The following CSMD1 variants were observed in gnomAD, a reference collection of about 807,000 sequenced individuals.
CSMD1 encodes CUB and Sushi multiple domains 1.
CSMD1 carries 213 observed loss-of-function variants against 417.5 expected under a neutral mutation model. The observed-to-expected ratio is 0.51, with a 90% CI of 0.46 to 0.57. The LOEUF is 0.57. Among genes scored for constraint, CSMD1 ranks in the 20% least tolerant of loss-of-function variants. The pLI is 0.00. For missense variants in CSMD1, 6,923 were observed against 4,529.7 expected (o/e 1.53, Z -15.17); for synonymous variants, 2,862 against 1,736.8 (o/e 1.65, Z -16.11).
intron 3 of CSMD1, among the ~76,000 whole-genome samples, chr8:4,164,758 C>T (rs1797358388): frequency 6.6e-6 from 1 of 151,944 alleles, no homozygotes; most frequent in Admixed American, 6.6e-5. Flanking sequence ...TGCCTGTAGT[C>T]CTAGCTACCT....
intron 18 of CSMD1, among the ~76,000 whole-genome samples, chr8:3,371,915 T>C (rs570942261): frequency 2.0e-5 from 3 of 152,360 alleles, no homozygotes; most frequent in African/African-American, 7.2e-5. Flanking sequence ...ATTAATGTAT[T>C]CAACAAATCG....
At chr8:3,384,903 A>G (rs1478439620) in intron 18 of CSMD1, among the ~76,000 whole-genome samples, 1 of 122,068 alleles carries the variant, frequency 8.2e-6, no homozygotes, top group African/African-American at 3.3e-5. Context: ...TATATATTAT[A>G]TATGCTTATA....
intron 1 of CSMD1, among the ~76,000 whole-genome samples, chr8:4,797,056 A>G (rs1167705291): frequency 2.6e-5 from 4 of 152,154 alleles, no homozygotes; most frequent in Admixed American, 2.0e-4. Context: ...GAGAGAAGCA[A>G]CAGATTCTGT....
chr8:3,387,668 A>T lies in CSMD1; in HGVS notation c.2608T>A (p.Ser870Thr), dbSNP rs1255755598. ...LIHYESVTLE[S>T]DSCLDPGIPV... Reference sequence around the variant, plus strand: ...ATGCCCGGGTCCAGGCAGGAATCCGACTCAAGCGTCACACCTGGATGCACA... The same window carrying T: ...ATGCCCGGGTCCAGGCAGGAATCCGTCTCAAGCGTCACACCTGGATGCACA... Residue 870 changes from serine to threonine, a missense_variant, in exon 18 of 70, where the codon TCG (serine) becomes ACG (threonine). Physicochemically the swap from Ser to Thr is moderately conservative, Grantham distance 58. Coordinates refer to ENST00000635120, the MANE Select transcript of CSMD1 (RefSeq NM_033225.6). 1.3e-6 allele frequency: 2 copies of T among 1,596,216 alleles called. No homozygotes were observed. Among genetic ancestry groups the T allele is most frequent in the African/African-American group, 2.7e-5 (2 of 74,704 alleles).
At chr8:3,898,286 A>C (rs575393152) in intron 5 of CSMD1, among the ~76,000 whole-genome samples, 318 of 152,290 alleles carry the variant, frequency 2.1e-3, no homozygotes, top group African/African-American at 7.4e-3. Flanking sequence ...ACCAAAAAAA[A>C]CCCAACATTT....
intron 3 of CSMD1, among the ~76,000 whole-genome samples, chr8:4,407,892 T>C (rs1010253447): frequency 6.6e-6 from 1 of 152,174 alleles, no homozygotes; most frequent in Non-Finnish European, 1.5e-5. Context: ...TGAGTTAAGA[T>C]GGATAACACA....
intron 2 of CSMD1, among the ~76,000 whole-genome samples, chr8:4,547,994 C>T (rs749690409): frequency 1.8e-4 from 27 of 152,268 alleles, no homozygotes; most frequent in African/African-American, 6.3e-4. Flanking sequence ...AGGCCAGGCA[C>T]TCCCAAGCAA....
chr8:4,555,723 C>T (rs1436292915), intron 2 of CSMD1, among the ~76,000 whole-genome samples: 1 of 152,064 alleles, frequency 6.6e-6, no homozygotes, highest in Non-Finnish European at 1.5e-5. Context: ...GAGCCTGCAC[C>T]CTTTCAGGGA....
chr8:3,688,768 G>A (rs577530575), intron 7 of CSMD1, among the ~76,000 whole-genome samples: 9 of 152,038 alleles, frequency 5.9e-5, no homozygotes, highest in South Asian at 2.1e-4. Context: ...AGCATAATAC[G>A]GATTCTGACA....
intron 3 of CSMD1, among the ~76,000 whole-genome samples, chr8:4,419,290 T>C (rs1797119082): frequency 1.3e-5 from 2 of 152,152 alleles, no homozygotes; most frequent in Non-Finnish European, 2.9e-5. Flanking sequence ...TAGACACACA[T>C]CGGCCTTTAA....
chr8:3,810,788 G>C (rs946133357), intron 5 of CSMD1, among the ~76,000 whole-genome samples: 1 of 152,040 alleles, frequency 6.6e-6, no homozygotes, highest in Non-Finnish European at 1.5e-5. Context: ...CACTGGGTCC[G>C]GCACATCATC....
intron 3 of CSMD1, among the ~76,000 whole-genome samples, chr8:4,313,426 C>A (rs567090633): frequency 6.6e-6 from 1 of 151,558 alleles, no homozygotes; most frequent in African/African-American, 2.4e-5. Context: ...CTGACGGGAC[C>A]CCTGTGACAT....
intron 3 of CSMD1, among the ~76,000 whole-genome samples, chr8:4,346,481 T>A (rs1800783737): frequency 6.6e-6 from 1 of 152,146 alleles, no homozygotes; most frequent in Admixed American, 6.5e-5. Flanking sequence ...AATCCATCCC[T>A]GCTCTGATAG....
chr8:4,261,246 C>T (rs1010167378), intron 3 of CSMD1, among the ~76,000 whole-genome samples: 5 of 152,138 alleles, frequency 3.3e-5, no homozygotes, highest in African/African-American at 9.7e-5. Flanking sequence ...GTGTAGTAGA[C>T]TCAAAAAGAA....
chr8:3,055,127 T>G (rs1205820159), intron 49 of CSMD1, among the ~76,000 whole-genome samples: 1 of 152,204 alleles, frequency 6.6e-6, no homozygotes, highest in African/African-American at 2.4e-5. Flanking sequence ...ATGACATTTT[T>G]CTATCGGACG....
chr8:3,201,067 T>G (rs1383937811), intron 32 of CSMD1, among the ~76,000 whole-genome samples: 2 of 152,198 alleles, frequency 1.3e-5, no homozygotes, highest in Non-Finnish European at 2.9e-5. Context: ...GACAGACTTC[T>G]GTATGTGATT....
At chr8:4,939,879 T>C (rs1159453144) in intron 1 of CSMD1, among the ~76,000 whole-genome samples, 4 of 152,214 alleles carry the variant, frequency 2.6e-5, no homozygotes, top group Admixed American at 2.6e-4. Flanking sequence ...CCACAATGTA[T>C]ACCTATTTCT....
At chr8:3,910,011 T>A (rs1456493668) in intron 5 of CSMD1, among the ~76,000 whole-genome samples, 2 of 152,128 alleles carry the variant, frequency 1.3e-5, no homozygotes, top group Non-Finnish European at 2.9e-5. Flanking sequence ...TATTTATAAA[T>A]AAAGGTAAAT....
chr8:4,902,213 T>A (rs1418858101), intron 1 of CSMD1, among the ~76,000 whole-genome samples: 4 of 151,468 alleles, frequency 2.6e-5, no homozygotes, highest in Admixed American at 2.0e-4. Flanking sequence ...AGTTTGAAAC[T>A]CACCTGGGCA....
Sources: allele counts gnomAD v4.1 joint callset (sites outside exome capture counted in the v4.1 genomes callset), GRCh38; gene constraint gnomAD v4.1.1; transcripts MANE v1.5; gene names NCBI Gene and HGNC (gene_info 2026-07-23, HGNC 2026-07-21).